Variants in ASZ1 observed in about 807,000 individuals in gnomAD.
ASZ1 encodes ankyrin repeat, SAM and basic leucine zipper domain-containing protein 1.
A neutral mutation model predicts 61.8 loss-of-function variants in ASZ1; 67 were observed. That is an observed-to-expected ratio of 1.08 (90% CI 0.89 to 1.33). The LOEUF (loss-of-function observed/expected upper bound fraction) is 1.33. ASZ1 is among the 40% of genes most tolerant of loss of function. ASZ1 has a pLI of 0.00. For missense variants in ASZ1, 577 were observed against 554.5 expected (o/e 1.04, Z -0.41); for synonymous variants, 193 against 192.7 (o/e 1.00, Z -0.01).
At chr7:117,401,407 C>T (rs1796678513) in intron 4 of ASZ1, among the ~76,000 whole-genome samples, 1 of 148,492 alleles carries the variant, frequency 6.7e-6, no homozygotes, top group African/African-American at 2.5e-5. Context: ...AAAAAAAGAC[C>T]AACAGAAAAT....
rs573828420 is a variant in ASZ1, at chr7:117,422,500, A to C, written c.206-141T>G. ...ATGGGAAGTTTTTAATGGCTTCCAAAAAATACAAAATAGTTATATTGGGAC... is the reference window on the plus strand; with the variant it reads ...ATGGGAAGTTTTTAATGGCTTCCAACAAATACAAAATAGTTATATTGGGAC... On this transcript the variant is annotated intron_variant, in intron 2 of 12. Transcript: ENST00000284629. 4.6e-5 allele frequency: 42 copies of C among 907,376 alleles called. 2 individuals are homozygous for C. The South Asian group carries it at 7.9e-4, about 17-fold the overall frequency. The allele number at this position is 907,376 out of a possible 1,614,324, so 56.2% of individuals were successfully genotyped here. A position where few individuals can be genotyped will look rare whatever the true frequency, so the allele number is the denominator to read the frequency against.
intron 4 of ASZ1, among the ~76,000 whole-genome samples, chr7:117,396,870 C>G (rs1334722875): frequency 6.6e-6 from 1 of 151,840 alleles, no homozygotes; most frequent in Non-Finnish European, 1.5e-5. Context: ...AAATAAGTAA[C>G]CTATTAAAAT....
chr7:117,378,096 G>C (rs1427359594), intron 10 of ASZ1, among the ~76,000 whole-genome samples: 1 of 152,020 alleles, frequency 6.6e-6, no homozygotes, highest in East Asian at 1.9e-4. Flanking sequence ...AAAAAGCACA[G>C]GAGAAAATCT....
At chr7:117,399,665 A>T (rs1796641251) in intron 4 of ASZ1, among the ~76,000 whole-genome samples, 1 of 151,890 alleles carries the variant, frequency 6.6e-6, no homozygotes, top group Non-Finnish European at 1.5e-5. Context: ...ATAGAGTTAT[A>T]AGGTAGATTA....
intron 10 of ASZ1, among the ~76,000 whole-genome samples, chr7:117,373,473 C>T (rs975564617): frequency 2.6e-5 from 4 of 152,104 alleles, no homozygotes; most frequent in Admixed American, 6.6e-5. Flanking sequence ...AAGATTTTGA[C>T]ACATAGAAGA....
At chr7:117,421,340 G>A (rs903515299) in intron 3 of ASZ1, among the ~76,000 whole-genome samples, 1 of 152,052 alleles carries the variant, frequency 6.6e-6, no homozygotes, top group Non-Finnish European at 1.5e-5. Context: ...AGCCTTCTGA[G>A]TAGTTGAGAC....
intron 12 of ASZ1, among the ~76,000 whole-genome samples, chr7:117,366,996 A>C (rs1419732119): frequency 6.6e-6 from 1 of 152,208 alleles, no homozygotes; most frequent in Non-Finnish European, 1.5e-5. Flanking sequence ...AAATACTATC[A>C]AAAGATACAA....
At chr7:117,376,283 C>T (rs1796135623) in intron 10 of ASZ1, among the ~76,000 whole-genome samples, 1 of 152,070 alleles carries the variant, frequency 6.6e-6, no homozygotes, top group South Asian at 2.1e-4. Flanking sequence ...ATCCTATGAC[C>T]ATTAAATAAA....
rs766655241 is a variant in ASZ1, at chr7:117,384,823, A to G, written c.590T>C (p.Ile197Thr). The change falls in exon 6 of 13, where the codon ATA becomes ACA. Residue 197 changes from isoleucine to threonine, a missense_variant. Coordinates refer to ENST00000284629, the MANE Select transcript of ASZ1 (RefSeq NM_130768.3). The stretch of plus-strand genomic sequence containing the variant: ...TCCAAGTTCAAGCAACTTCAAAACT[A>G]TATTTTTATGACCCTGACGTGCTGC... ...TWAARQGHKN[I>T]VLKLLELGAN... 4.4e-6 allele frequency: 7 copies of G among 1,608,474 alleles called. No homozygotes were observed. The highest frequency in any genetic ancestry group is 3.3e-5 in the South Asian group (3 of 89,936).
Position 117,373,819 on chromosome 7 carries a change from C to A in ASZ1, c.1056-5102G>T, listed in dbSNP as rs963347168. On this transcript the variant is annotated intron_variant, in intron 10 of 12. Coordinates refer to ENST00000284629, the MANE Select transcript of ASZ1 (RefSeq NM_130768.3). ...ATAAAGTAAATTCATATAGGCAACC[C>A]TGCCATCATACAAATAAGTTATATA... Among the ~76,000 whole-genome samples, 5 of 151,936 alleles carry A rather than the reference C, an allele frequency of 3.3e-5. No individual in the cohort carries two copies. The East Asian group carries it at 9.6e-4, about 29-fold the overall frequency.
intron 4 of ASZ1, among the ~76,000 whole-genome samples, chr7:117,408,664 A>G (rs1796837353): frequency 6.6e-6 from 1 of 152,202 alleles, no homozygotes; most frequent in Non-Finnish European, 1.5e-5. Flanking sequence ...CAAACATTAG[A>G]ACATTTCTCA....
chr7:117,392,212 A>T (rs577703818), intron 4 of ASZ1, among the ~76,000 whole-genome samples: 1 of 152,360 alleles, frequency 6.6e-6, no homozygotes, highest in African/African-American at 2.4e-5. Context: ...ATGATACTGC[A>T]GTCTTCCATC....
At chr7:117,379,161 A>C in intron 10 of ASZ1, among the ~76,000 whole-genome samples, 1 of 60,794 alleles carries the variant, frequency 1.6e-5, no homozygotes, top group African/African-American at 8.1e-5. Flanking sequence ...ATATATATAT[A>C]TATATATACA....
intron 10 of ASZ1, among the ~76,000 whole-genome samples, chr7:117,370,398 A>C (rs1276553523): frequency 6.6e-6 from 1 of 152,164 alleles, no homozygotes; most frequent in Admixed American, 6.5e-5. Context: ...TCAGTAGTTA[A>C]GAGTTGTTAT....
chr7:117,379,276 C>T (rs1367172342), intron 10 of ASZ1, among the ~76,000 whole-genome samples: 2 of 150,426 alleles, frequency 1.3e-5, no homozygotes, highest in Admixed American at 1.3e-4. Context: ...TATTGTCTTA[C>T]AGTTATAAAA....
In ASZ1 at chr7:117,381,000, T is replaced by C. The variant is rs909358082; in HGVS notation, c.945+11A>G. The C allele has an allele frequency of 1.3e-6, 2 of 1,570,516 alleles. No individual in the cohort carries two copies. The highest frequency in any genetic ancestry group is 1.4e-5 in the African/African-American group (1 of 73,084). ...AACAATGTATCGGGAATTTTTGAAA[T>C]TGATACTAACCTTTGTAAATTCATC... On this transcript the variant is annotated intron_variant, in intron 9 of 12. Coordinates refer to ENST00000284629, the MANE Select transcript of ASZ1 (RefSeq NM_130768.3).
chr7:117,423,442 T>C (rs1797135583), intron 2 of ASZ1, among the ~76,000 whole-genome samples: 1 of 152,126 alleles, frequency 6.6e-6, no homozygotes, highest in Non-Finnish European at 1.5e-5. Context: ...TTGAACTGCT[T>C]TGATTGAAAG....
chr7:117,393,514 C>A (rs1443979327), intron 4 of ASZ1, among the ~76,000 whole-genome samples: 1 of 151,854 alleles, frequency 6.6e-6, no homozygotes, highest in Non-Finnish European at 1.5e-5. Context: ...TTATTTACTA[C>A]CCTAGGGGTA....
chr7:117,419,552 A>G (rs1562861347), intron 4 of ASZ1, among the ~76,000 whole-genome samples: 1 of 152,218 alleles, frequency 6.6e-6, no homozygotes, highest in Non-Finnish European at 1.5e-5. Context: ...ATGAAACACA[A>G]AGAGAGATTT....
Sources: allele counts gnomAD v4.1 joint callset (sites outside exome capture counted in the v4.1 genomes callset), GRCh38; gene constraint gnomAD v4.1.1; transcripts MANE v1.5; gene names NCBI Gene and HGNC (gene_info 2026-07-23, HGNC 2026-07-21).